Variants in DENND1A observed in about 807,000 individuals in gnomAD.
The protein encoded by DENND1A is DENN domain containing 1A.
Under a neutral mutation model 113.7 loss-of-function variants are expected in DENND1A, and 51 were observed. That is an observed-to-expected ratio of 0.45 (90% CI 0.36 to 0.57). DENND1A has a LOEUF of 0.57. Among genes scored for constraint, DENND1A ranks in the 20% least tolerant of loss-of-function variants. DENND1A has a pLI of 0.00. For missense variants in DENND1A, 1,258 were observed against 1,395.9 expected (o/e 0.90, Z 1.57); for synonymous variants, 565 against 570.8 (o/e 0.99, Z 0.14).
intron 9 of DENND1A, among the ~76,000 whole-genome samples, chr9:123,636,699 T>G (rs1020836098): frequency 1.8e-5 from 1 of 54,264 alleles, no homozygotes; most frequent in Non-Finnish European, 3.6e-5. Flanking sequence ...TTACCAGACT[T>G]TTTTTTTTTT....
chr9:123,762,097 T>C (rs1194934336), intron 4 of DENND1A, among the ~76,000 whole-genome samples: 2 of 152,094 alleles, frequency 1.3e-5, no homozygotes. Context: ...TTCAAAGTCC[T>C]TTCCATTCTG....
chr9:123,572,399 T>C (rs1221801660), intron 12 of DENND1A, among the ~76,000 whole-genome samples: 3 of 152,226 alleles, frequency 2.0e-5, no homozygotes, highest in South Asian at 2.1e-4. Context: ...AACATACACA[T>C]ACATACGTTT....
chr9:123,627,124 G>A (rs1207940739), intron 10 of DENND1A, among the ~76,000 whole-genome samples: 1 of 152,174 alleles, frequency 6.6e-6, no homozygotes, highest in African/African-American at 2.4e-5. Flanking sequence ...AGAGAAGGAG[G>A]GCAAGCCAAG....
chr9:123,674,711 G>T (rs887904801), intron 6 of DENND1A, among the ~76,000 whole-genome samples: 2 of 152,136 alleles, frequency 1.3e-5, no homozygotes, highest in East Asian at 1.9e-4. Flanking sequence ...CAGAGGAAAG[G>T]TTCACCAGTT....
intron 13 of DENND1A, among the ~76,000 whole-genome samples, chr9:123,524,622 C>T (rs1351690628): frequency 1.3e-5 from 2 of 152,186 alleles, no homozygotes; most frequent in African/African-American, 4.8e-5. Context: ...TGCAGGCTGC[C>T]AGTTTGACCT....
Position 123,653,008 on chromosome 9 carries a change from A to G in DENND1A, c.508-885T>C, listed in dbSNP as rs529776189. On this transcript the variant is annotated intron_variant, in intron 8 of 23. Transcript: ENST00000394215. ...TTCAATGTTACAGGTTTTCAATGCC[A>G]TACAATATAATCCTCTGAAAATGAA... 1.8e-4 allele frequency among the ~76,000 whole-genome samples: 28 copies of G among 152,354 alleles called. 1 individual carries two copies. The South Asian group carries it at 5.6e-3, about 30-fold the overall frequency.
intron 5 of DENND1A, among the ~76,000 whole-genome samples, chr9:123,729,358 A>C (rs780797861): frequency 2.0e-5 from 3 of 152,218 alleles, no homozygotes; most frequent in Non-Finnish European, 4.4e-5. Context: ...TATATTTAGA[A>C]AATCACATCG....
intron 9 of DENND1A, among the ~76,000 whole-genome samples, chr9:123,642,105 T>TA (rs2139091470): frequency 6.6e-6 from 1 of 152,354 alleles, no homozygotes; most frequent in Non-Finnish European, 1.5e-5. Context: ...AACCTGTTGA[T>TA]ACTCTGTATT....
intron 1 of DENND1A, among the ~76,000 whole-genome samples, chr9:123,908,993 A>C (rs1853435022): frequency 6.6e-6 from 1 of 152,220 alleles, no homozygotes; most frequent in South Asian, 2.1e-4. Context: ...TGTGACACAT[A>C]TACACCATGG....
chr9:123,718,727 C>T (rs1160222028), intron 5 of DENND1A, among the ~76,000 whole-genome samples: 1 of 152,208 alleles, frequency 6.6e-6, no homozygotes, highest in African/African-American at 2.4e-5. Context: ...ACTGAACTGC[C>T]ATTGGAACTA....
At chr9:123,710,672 G>GT (rs2066519696) in intron 5 of DENND1A, among the ~76,000 whole-genome samples, 2 of 135,588 alleles carry the variant, frequency 1.5e-5, no homozygotes, top group African/African-American at 6.1e-5. Context: ...AAATCTTGGA[G>GT]GTTTTTTTTT....
Position 123,481,805 on chromosome 9 carries a change from T to C in DENND1A, c.994-23908A>G, listed in dbSNP as rs533888558. On this transcript the variant is annotated intron_variant, in intron 13 of 23. Coordinates refer to ENST00000394215, the MANE Select transcript of DENND1A (RefSeq NM_001352964.2). ...GTCTTTTTTCTTTCTTTCTTTTTTT[T>C]TTTTTTTTGAGACAGAGACTTGCTC... is the stretch of plus-strand genomic sequence containing the variant. Among the ~76,000 whole-genome samples the C allele has an allele frequency of 6.8e-4, 103 of 151,428 alleles. 1 individual carries two copies. Among genetic ancestry groups the C allele is most frequent in the African/African-American group, 2.5e-3 (103 of 41,334 alleles).
At chr9:123,565,332 G>A (rs2057995096) in intron 12 of DENND1A, among the ~76,000 whole-genome samples, 1 of 152,164 alleles carries the variant, frequency 6.6e-6, no homozygotes, top group African/African-American at 2.4e-5. Flanking sequence ...GTCTAGGAAG[G>A]GAGGAACCAT....
intron 5 of DENND1A, among the ~76,000 whole-genome samples, chr9:123,722,239 G>A (rs571707018): frequency 2.0e-5 from 3 of 152,272 alleles, no homozygotes; most frequent in African/African-American, 4.8e-5. Flanking sequence ...TAGGGTATCC[G>A]GCAGAAGAAA....
chr9:123,792,521 T>C, intron 3 of DENND1A, 66 bp downstream of exon 3: 6 of 1,520,924 alleles, frequency 3.9e-6, no homozygotes. Context: ...AAAAGAACAG[T>C]AATAATATGT....
chr9:123,746,090 T>C (rs1231078951), intron 5 of DENND1A, among the ~76,000 whole-genome samples: 1 of 152,238 alleles, frequency 6.6e-6, no homozygotes, highest in Non-Finnish European at 1.5e-5. Flanking sequence ...CATGGGTATT[T>C]GCTGTATATT....
At chr9:123,593,727 A>C (rs184268010) in intron 11 of DENND1A, among the ~76,000 whole-genome samples, 30 of 152,184 alleles carry the variant, frequency 2.0e-4, no homozygotes, top group Admixed American at 7.2e-4. Flanking sequence ...TTGTTAATCA[A>C]AATTTTATTC....
At chr9:123,707,224 G>A (rs547610343) in intron 5 of DENND1A, among the ~76,000 whole-genome samples, 3 of 152,044 alleles carry the variant, frequency 2.0e-5, no homozygotes, top group East Asian at 1.9e-4. Context: ...GAGAAACCTC[G>A]TCTCTACTAA....
chr9:123,639,788 A>C (rs75119972), intron 9 of DENND1A, among the ~76,000 whole-genome samples: 6 of 123,360 alleles, frequency 4.9e-5, no homozygotes, highest in South Asian at 5.1e-4. Flanking sequence ...AAAAAAAAAA[A>C]AAAAAAAAAC....
Sources: allele counts gnomAD v4.1 joint callset (sites outside exome capture counted in the v4.1 genomes callset), GRCh38; gene constraint gnomAD v4.1.1; transcripts MANE v1.5; gene names NCBI Gene and HGNC (gene_info 2026-07-23, HGNC 2026-07-21).